The following NLGN4X variants were observed in gnomAD, a reference collection of about 807,000 sequenced individuals.
NLGN4X encodes neuroligin-4, X-linked.
In NLGN4X, 3 loss-of-function variants were observed where a neutral mutation model predicts 40.3. That is an observed-to-expected ratio of 0.07 (90% confidence interval 0.03 to 0.19). NLGN4X has a LOEUF of 0.19. NLGN4X is among the 10% of genes least tolerant of loss of function. The pLI is 1.00. For synonymous variants in NLGN4X, 270 were observed against 306.8 expected (o/e 0.88, Z 1.25); for missense variants, 382 against 708.3 (o/e 0.54, Z 5.23).
At chrX:5,987,204 C>T (rs2147084397) in intron 3 of NLGN4X, among the ~76,000 whole-genome samples, 1 of 111,352 alleles carries the variant, frequency 9.0e-6, no homozygotes, top group South Asian at 3.8e-4. Context: ...CAGTATTATG[C>T]ATGAAAAAAA....
intron 3 of NLGN4X, among the ~76,000 whole-genome samples, chrX:5,913,441 T>C (rs767851229): frequency 9.6e-4 from 107 of 111,601 alleles, no homozygotes; most frequent in African/African-American, 3.1e-3. Flanking sequence ...GCTACTTGAT[T>C]GTCTAAAACC....
intron 2 of NLGN4X, among the ~76,000 whole-genome samples, chrX:6,080,320 T>C (rs760333241): frequency 9.0e-6 from 1 of 111,665 alleles, no homozygotes; most frequent in Non-Finnish European, 1.9e-5. Flanking sequence ...AAGTTCCAAG[T>C]GAACAGTCCT....
At chrX:6,210,270 GTGTGTA>G (rs1483707589) in intron 1 of NLGN4X, among the ~76,000 whole-genome samples, 72 of 75,809 alleles carry the variant, frequency 9.5e-4, no homozygotes, top group African/African-American at 4.9e-3. Flanking sequence ...GTGTGTGTGT[GTGTGTA>G]TGTATGTAAT....
intron 3 of NLGN4X, among the ~76,000 whole-genome samples, chrX:6,001,078 A>G (rs145213071): frequency 2.8e-3 from 313 of 111,407 alleles, no homozygotes; most frequent in African/African-American, 9.8e-3. Flanking sequence ...AAGGAGGAAA[A>G]GCCCCTTACA....
chrX:5,944,981 A>C lies in NLGN4X; in HGVS notation c.626-35742T>G, dbSNP rs374682312. Among the ~76,000 whole-genome samples, 9 of 112,154 alleles carry C rather than the reference A, an allele frequency of 8.0e-5. No individual in the cohort carries two copies. The East Asian group carries it at 1.7e-3, about 21-fold the overall frequency. On this transcript the variant is annotated intron_variant, in intron 3 of 5. Coordinates refer to ENST00000381095, the MANE Select transcript of NLGN4X (RefSeq NM_181332.3). Reference sequence around the variant, plus strand: ...TTGTGGAGGATAAAATGAAAGAAAAAGGTAGAACACATACCCAGTGCTGTA... The same window carrying C: ...TTGTGGAGGATAAAATGAAAGAAAACGGTAGAACACATACCCAGTGCTGTA...
At chrX:6,043,797 G>C (rs1478825112) in intron 2 of NLGN4X, among the ~76,000 whole-genome samples, 1 of 111,555 alleles carries the variant, frequency 9.0e-6, no homozygotes, top group Admixed American at 9.6e-5. Context: ...TGCTGTAATA[G>C]AGGCTATAAA....
At position 6,071,741 on chromosome X, in the gene NLGN4X, G is replaced by A. The variant is rs533022519; in HGVS notation, c.473-42309C>T. On this transcript the variant is annotated intron_variant, in intron 2 of 5. Coordinates refer to ENST00000381095, the MANE Select transcript of NLGN4X (RefSeq NM_181332.3). Reference sequence around the variant, plus strand: ...GTATGAGCAAGATTTAAATTTTAACGGGGTCACCAGGGCCTTGTGCCCAAC... The same window carrying A: ...GTATGAGCAAGATTTAAATTTTAACAGGGTCACCAGGGCCTTGTGCCCAAC... Among the ~76,000 whole-genome samples, 136 of 111,943 alleles carry A rather than the reference G, an allele frequency of 1.2e-3. No homozygotes were observed. In the Middle Eastern group the frequency reaches 0.014, roughly 11 times the overall value.
intron 1 of NLGN4X, among the ~76,000 whole-genome samples, chrX:6,177,866 G>T (rs1920996834): frequency 9.1e-6 from 1 of 110,050 alleles, no homozygotes; most frequent in African/African-American, 3.3e-5. Flanking sequence ...TCCTTGGGAG[G>T]TGATGAGGTC....
At chrX:6,057,867 A>G (rs1414630209) in intron 2 of NLGN4X, among the ~76,000 whole-genome samples, 1 of 111,818 alleles carries the variant, frequency 8.9e-6, no homozygotes, top group East Asian at 2.8e-4. Context: ...CAATCAGGTG[A>G]GCCCAAAGCA....
At chrX:6,206,428 GA>G (rs748347008) in intron 1 of NLGN4X, among the ~76,000 whole-genome samples, 8 of 111,113 alleles carry the variant, frequency 7.2e-5, no homozygotes, top group Non-Finnish European at 1.1e-4. Context: ...ATTTTTAAAT[GA>G]AAAAAAATGA....
rs149658750 is a variant in NLGN4X at position 6,006,302 on chromosome X, C to A, written c.625+22978G>T. Among the ~76,000 whole-genome samples the A allele has an allele frequency of 1.9e-3, 212 of 110,836 alleles. 3 individuals carry two copies. The highest frequency in any genetic ancestry group is 6.6e-3 in the African/African-American group (202 of 30,548). On this transcript the variant is annotated intron_variant, in intron 3 of 5. Coordinates refer to ENST00000381095, the MANE Select transcript of NLGN4X (RefSeq NM_181332.3). ...GTCACCTTAATACAGTGTGTATTTT[C>A]CACAGTGGGAAGGAAAAAGTGTGGG...
chrX:6,187,627 C>T (rs1191001898), intron 1 of NLGN4X: 2 of 112,461 alleles, frequency 1.8e-5, no homozygotes, highest in African/African-American at 6.5e-5. Context: ...ACAGTCCTCG[C>T]CAAGGCCTTC....
intron 1 of NLGN4X, among the ~76,000 whole-genome samples, chrX:6,219,166 T>A (rs1200778990): frequency 1.0e-5 from 1 of 99,689 alleles, no homozygotes; most frequent in African/African-American, 3.7e-5. Context: ...TGTGTGTATA[T>A]ATATATATAC....
chrX:6,196,515 G>A (rs760792283), intron 1 of NLGN4X, among the ~76,000 whole-genome samples: 261 of 85,214 alleles, frequency 3.1e-3, no homozygotes, highest in African/African-American at 0.011. Flanking sequence ...TGGCGCCACT[G>A]CACTCCAGCC....
intron 3 of NLGN4X, among the ~76,000 whole-genome samples, chrX:5,962,979 G>A (rs112257071): frequency 0.047 from 4,534 of 95,622 alleles, 295 homozygotes; most frequent in African/African-American, 0.17. Context: ...AGCAGTCTGA[G>A]TGGACTAAGA....
chrX:6,156,266 T>C (rs2040263158), intron 1 of NLGN4X, among the ~76,000 whole-genome samples: 2 of 111,868 alleles, frequency 1.8e-5, no homozygotes, highest in African/African-American at 6.5e-5. Context: ...TCCCAGCACT[T>C]TGGGAGGCCG....
intron 3 of NLGN4X, among the ~76,000 whole-genome samples, chrX:6,009,544 T>C (rs2036193946): frequency 8.9e-6 from 1 of 112,654 alleles, no homozygotes; most frequent in South Asian, 3.6e-4. Context: ...CAATGTACTG[T>C]CCCAGGCTCC....
intron 1 of NLGN4X, among the ~76,000 whole-genome samples, chrX:6,211,910 T>G (rs1210005896): frequency 8.9e-6 from 1 of 111,815 alleles, no homozygotes; most frequent in East Asian, 2.8e-4. Flanking sequence ...CATACTACTC[T>G]TCATTCCTTC....
intron 1 of NLGN4X, among the ~76,000 whole-genome samples, chrX:6,205,934 G>T (rs944183107): frequency 8.9e-6 from 1 of 111,822 alleles, no homozygotes; most frequent in Non-Finnish European, 1.9e-5. Context: ...GAAAACACAC[G>T]GAGCATCTCA....
Sources: gnomAD v4.1 joint callset for allele counts (sites outside exome capture counted in the v4.1 genomes callset) on GRCh38, gnomAD v4.1.1 for gene constraint, MANE v1.5 for transcripts, NCBI Gene and HGNC (gene_info 2026-07-23, HGNC 2026-07-21) for gene names.